Variants in FCHO1 observed in about 807,000 individuals in gnomAD.
FCHO1 encodes the protein FCH and mu domain containing endocytic adaptor 1.
FCHO1 carries 45 observed loss-of-function variants against 114.4 expected under a neutral mutation model. The ratio of observed to expected loss-of-function variants is 0.39; its 90% CI spans 0.31 to 0.50. The LOEUF is 0.50. Among genes scored for constraint, FCHO1 ranks in the 20% least tolerant of loss-of-function variants. The probability of loss-of-function intolerance (pLI) is 0.77; values close to 1 mark genes in which losing one functional copy is unlikely to be tolerated. For synonymous variants in FCHO1, 480 were observed against 488.9 expected, an observed-to-expected ratio of 0.98 and a Z score of 0.24; for missense variants, 1,042 against 1,209.6, an observed-to-expected ratio of 0.86 and a Z score of 2.06.
intron 4 of FCHO1, among the ~76,000 whole-genome samples, chr19:17,757,918 A>ATG: frequency 1.0e-5 from 1 of 95,486 alleles, no homozygotes; most frequent in African/African-American, 2.9e-5. Context: ...CCTGTCTCAA[A>ATG]AAAAAAAAAA....
At chr19:17,782,992 C>T (rs1445555029) in intron 23 of FCHO1, 25 bp from the exon 24 acceptor site, 3 of 1,611,386 alleles carry the variant, frequency 1.9e-6, no homozygotes, top group African/African-American at 1.3e-5. Context: ...CCTAAGCCAA[C>T]ACCCAGTCCC....
In FCHO1 at chr19:17,762,872, A is replaced by T. The variant is rs1181819513; in HGVS notation, c.119+19A>T. 3.3e-5 allele frequency: 51 copies of T among 1,564,800 alleles called. No individual in the cohort carries two copies. Among genetic ancestry groups the T allele is most frequent in the Non-Finnish European group, 4.2e-5 (48 of 1,135,590 alleles). On this transcript the variant is annotated intron_variant, in intron 5 of 28. Coordinates refer to ENST00000596536, the MANE Select transcript of FCHO1 (RefSeq NM_015122.3). ...GGGAGAGGTGAGGTCCCCAAGCCCC[A>T]TCCACCAGAGGCCACGCCCACCATC...
In FCHO1 at chr19:17,775,861, G is replaced by C; in HGVS notation, c.1004-122G>C. ...GGTGTCAGGACTGAAGGTGGCGCGT[G>C]GTGAGCGATGGGATTGGGCAGGACC... On this transcript the variant is annotated intron_variant, in intron 15 of 28. Coordinates refer to ENST00000596536, the MANE Select transcript of FCHO1 (RefSeq NM_015122.3). The surrounding 1 kb of genome is among the most constrained non-coding windows in gnomAD (Gnocchi z 5.1). 8.7e-7 allele frequency: 1 copy of C among 1,154,862 alleles called. No individual in the cohort carries two copies. The highest frequency in any genetic ancestry group is 1.5e-5 in the South Asian group (1 of 68,650). The allele number at this position is 1,154,862 out of a possible 1,614,324, so 71.5% of individuals were successfully genotyped here.
upstream of FCHO1, among the ~76,000 whole-genome samples, chr19:17,750,906 CCT>C (rs2081783757): frequency 6.8e-6 from 1 of 147,024 alleles, no homozygotes; most frequent in East Asian, 2.0e-4. Context: ...CTCACTGCAA[CCT>C]CTGGCTCACT....
chr19:17,774,888 C>G, intron 13 of FCHO1, 168 bp from the exon 14 acceptor site: 1 of 684,958 alleles, frequency 1.5e-6, no homozygotes, highest in Admixed American at 2.7e-5. Context: ...ACTTCAGATT[C>G]AACCCCCTCC....
At position 17,764,424 on chromosome 19, in the gene FCHO1, C is replaced by A. The variant is rs145154295; in HGVS notation, c.169C>A (p.Leu57Met). 1.2e-6 allele frequency: 2 copies of A among 1,613,290 alleles called. No individual in the cohort carries two copies. The highest frequency in any genetic ancestry group is 8.5e-7 in the Non-Finnish European group (1 of 1,179,772). The change falls in exon 6 of 29, where the codon CTG (leucine) becomes ATG (methionine). Residue 57 changes from leucine to methionine, a missense_variant. Physicochemically the swap from Leu to Met is conservative, Grantham distance 15. This residue lies in a region of FCHO1 where 450 missense variants were observed against 564.1 expected (regional missense o/e 0.80). Coordinates refer to ENST00000596536, the MANE Select transcript of FCHO1 (RefSeq NM_015122.3). ...YSKAMAKLSKLASNGTPMGTF... is the reference protein window; with the variant it reads ...YSKAMAKLSKMASNGTPMGTF... The stretch of plus-strand genomic sequence containing the variant: ...GAAGGCGATGGCGAAACTCTCCAAG[C>A]TGGCCAGCAACGGGACCCCCATGGG...
intron 4 of FCHO1, among the ~76,000 whole-genome samples, chr19:17,759,226 C>CTTTTTTTTTTTTTTTTTTTTTTTT (rs1473282318): frequency 9.4e-6 from 1 of 105,920 alleles, no homozygotes. Flanking sequence ...AGCTGATTAC[C>CTTTTTTTTTTTTTTTTTTTTTTTT]TTTTTTTTTT....
chr19:17,771,463 T>A (rs1278987793), intron 9 of FCHO1, among the ~76,000 whole-genome samples: 2 of 150,440 alleles, frequency 1.3e-5, no homozygotes, highest in Non-Finnish European at 3.0e-5. Flanking sequence ...GGTCAGGAGA[T>A]CGAGACTATC....
chr19:17,762,544 AC>A (rs1183849036), intron 4 of FCHO1, among the ~76,000 whole-genome samples: 1 of 152,130 alleles, frequency 6.6e-6, no homozygotes, highest in African/African-American at 2.4e-5. Flanking sequence ...CAACTATAGG[AC>A]AAAAAGAAAA....
In FCHO1 at chr19:17,772,571, G is replaced by A. The variant is rs2091870809; in HGVS notation, c.693+16G>A. On this transcript the variant is annotated intron_variant, in intron 10 of 28. Transcript: ENST00000596536. Reference sequence around the variant, plus strand: ...GATTGGGCAGGTGAGTTGGGCAGGTGTGAGGAATGAGGCTGGGGTCACTGC... The same window carrying A: ...GATTGGGCAGGTGAGTTGGGCAGGTATGAGGAATGAGGCTGGGGTCACTGC... The A allele has an allele frequency of 6.2e-7, 1 of 1,613,998 alleles. No homozygotes were observed. Among genetic ancestry groups the A allele is most frequent in the Non-Finnish European group, 8.5e-7 (1 of 1,179,866 alleles).
At chr19:17,787,513 C>G (rs1275211900) in intron 27 of FCHO1, among the ~76,000 whole-genome samples, 169 bp from the exon 28 acceptor site, 1 of 151,940 alleles carries the variant, frequency 6.6e-6, no homozygotes, top group Non-Finnish European at 1.5e-5. Context: ...GCTAGCCATA[C>G]AAAGCCCAGT....
In FCHO1 at chr19:17,770,794, G is replaced by A. The variant is rs200502191; in HGVS notation, c.492G>A (p.Ala164=). 3.2e-5 allele frequency: 52 copies of A among 1,614,030 alleles called. No homozygotes were observed. In the African/African-American group the frequency reaches 5.3e-4, roughly 17 times the overall value. ...ESTSQKEMDK[A]ETKTKKAAES... is the part of the protein sequence containing the mutation. ...CGTTTCCTCCCTGTGCTTTGTAGGC[G>A]GAGACTAAAACCAAGAAGGCGGCAG... The change falls in exon 9 of 29, where the codon GCG becomes GCA. Residue 164 remains alanine (A), a splice_region_variant and synonymous_variant. Coordinates refer to ENST00000596536, the MANE Select transcript of FCHO1 (RefSeq NM_015122.3).
In FCHO1 at chr19:17,783,266, C is replaced by T. The variant is rs1234389; in HGVS notation, c.2093+94C>T. 1,078,626 of 1,192,404 alleles carry T rather than the reference C, an allele frequency of 0.9. 487,989 individuals are homozygous for T. Among genetic ancestry groups the T allele is most frequent in the Non-Finnish European group, 0.92 (801,601 of 870,076 alleles). The allele number at this position is 1,192,404 out of a possible 1,614,324, so 73.9% of individuals were successfully genotyped here. A position where few individuals can be genotyped will look rare whatever the true frequency, so the allele number is the denominator to read the frequency against. ...CCCTCTCTGCTTCCTGGGATTTTTT[C>T]TTTTCTTTTTTTTTTGTAGAGACGG... On this transcript the variant is annotated intron_variant, in intron 24 of 28. Coordinates refer to ENST00000596536, the MANE Select transcript of FCHO1 (RefSeq NM_015122.3).
At chr19:17,759,710 A>G (rs1480418357) in intron 4 of FCHO1, among the ~76,000 whole-genome samples, 2 of 151,722 alleles carry the variant, frequency 1.3e-5, no homozygotes, top group African/African-American at 4.8e-5. Flanking sequence ...AGGCAGGCAG[A>G]TCAGTTGAGG....
intron 13 of FCHO1, 70 bp from the exon 14 acceptor site, chr19:17,774,986 G>T (rs1040315507): frequency 1.3e-6 from 2 of 1,565,514 alleles, no homozygotes; most frequent in African/African-American, 1.4e-5. Flanking sequence ...CATGTCCAGT[G>T]TTGGGGGCTG....
intron 4 of FCHO1, among the ~76,000 whole-genome samples, chr19:17,761,653 T>TATATATATATATATATATATATAC (rs1491266072): frequency 4.3e-5 from 6 of 139,728 alleles, no homozygotes; most frequent in Non-Finnish European, 9.4e-5. Context: ...TATATATATA[T>TATATATATATATATATATATATAC]ACACACACAC....
At chr19:17,767,531 C>T (rs1019266623) in intron 7 of FCHO1, among the ~76,000 whole-genome samples, 10 of 137,104 alleles carry the variant, frequency 7.3e-5, no homozygotes, top group Non-Finnish European at 9.2e-5. Context: ...CATGCCACTG[C>T]ACTCCAGCCT....
intron 20 of FCHO1, among the ~76,000 whole-genome samples, chr19:17,779,386 C>T (rs2093079463): frequency 6.6e-6 from 1 of 151,664 alleles, no homozygotes; most frequent in Non-Finnish European, 1.5e-5. Context: ...ACTCAGGGGT[C>T]ACAGGCTCCC....
chr19:17,778,523 C>G, intron 19 of FCHO1, 86 bp from the exon 20 acceptor site: 1 of 1,433,054 alleles, frequency 7.0e-7, no homozygotes, highest in Non-Finnish European at 9.2e-7. Context: ...CTGACCTTCC[C>G]TCGACGTGGC....
Sources: gnomAD v4.1 joint callset for allele counts (sites outside exome capture counted in the v4.1 genomes callset) on GRCh38, gnomAD v4.1.1 for gene constraint, gnomAD v4.1.1 regional missense constraint, Gnocchi (gnomAD v3.1) non-coding constraint, MANE v1.5 for transcripts, NCBI Gene and HGNC (gene_info 2026-07-23, HGNC 2026-07-21) for gene names.